Variants in ITCH observed in about 807,000 individuals in gnomAD.
The protein encoded by ITCH is itchy E3 ubiquitin protein ligase.
A neutral mutation model predicts 126.8 loss-of-function variants in ITCH; 28 were observed. The ratio of observed to expected loss-of-function variants is 0.22; its 90% CI spans 0.16 to 0.30. ITCH has a LOEUF of 0.30. Ranked by LOEUF, ITCH falls within the 10% of genes least tolerant of loss-of-function variation. The pLI, the probability that ITCH is intolerant of heterozygous loss-of-function variation, is 1.00. For synonymous variants in ITCH, 342 were observed against 340.0 expected, an observed-to-expected ratio of 1.01 and a Z score of -0.06; for missense variants, 631 against 1,032.4, an observed-to-expected ratio of 0.61 and a Z score of 5.33.
At chr20:34,500,330 T>C (rs1018573912) in intron 23 of ITCH, among the ~76,000 whole-genome samples, 1 of 152,218 alleles carries the variant, frequency 6.6e-6, no homozygotes, top group Admixed American at 6.5e-5. Flanking sequence ...TATAATAATA[T>C]TTCCTTTTTA....
intron 3 of ITCH, 88 bp from the exon 4 acceptor site, chr20:34,408,563 G>GTAAATCTGCCTAAT: frequency 8.0e-7 from 1 of 1,256,224 alleles, no homozygotes; most frequent in South Asian, 1.3e-5. Context: ...AGTAAATTTA[G>GTAAATCTGCCTAAT]TAAATCTGCC....
chr20:34,475,326 C>T (rs1367779661), intron 16 of ITCH, among the ~76,000 whole-genome samples: 1 of 152,138 alleles, frequency 6.6e-6, no homozygotes, highest in African/African-American at 2.4e-5. Context: ...GAGGTTGTAG[C>T]TAGCCGAGAT....
intron 23 of ITCH, among the ~76,000 whole-genome samples, chr20:34,499,271 G>A (rs1223061620): frequency 2.9e-4 from 12 of 40,868 alleles, no homozygotes; most frequent in African/African-American, 9.9e-4. Flanking sequence ...ACTGTGCCCA[G>A]CTTTTTTTTT....
At chr20:34,460,877 CG>C (rs1568967176) in intron 13 of ITCH, among the ~76,000 whole-genome samples, 2 of 151,780 alleles carry the variant, frequency 1.3e-5, no homozygotes, top group African/African-American at 4.8e-5. Context: ...ATAATTTAAC[CG>C]GGTGTGGTGG....
chr20:34,457,778 T>C (rs80350116), intron 13 of ITCH, among the ~76,000 whole-genome samples: 7 of 152,092 alleles, frequency 4.6e-5, no homozygotes, highest in African/African-American at 1.7e-4. Flanking sequence ...TGAGACCCTG[T>C]CTCTACAAAA....
rs1033169075 is a variant in ITCH, at chr20:34,508,211, T to C, written c.*417T>C. 18 of 205,050 alleles carry C rather than the reference T, an allele frequency of 8.8e-5. No homozygotes were observed. Among genetic ancestry groups the C allele is most frequent in the Non-Finnish European group, 1.5e-4 (15 of 98,600 alleles). The allele number at this position is 205,050 out of a possible 1,614,324, so 12.7% of individuals were successfully genotyped here. A position where few individuals can be genotyped will look rare whatever the true frequency, so the allele number is the denominator to read the frequency against. ...TATTAAGCCTCTTGGTAAGAGGCAT[T>C]TGTTAAAAGTGCAAGCTTACTCCTG... On this transcript the variant is annotated 3_prime_UTR_variant, in exon 25 of 25. Coordinates refer to ENST00000374864, the MANE Select transcript of ITCH (RefSeq NM_031483.7).
At chr20:34,473,644 CCCAT>C (rs1033851183) in intron 16 of ITCH, among the ~76,000 whole-genome samples, 1 of 152,176 alleles carries the variant, frequency 6.6e-6, no homozygotes, top group African/African-American at 2.4e-5. Context: ...AAAGAATAAA[CCCAT>C]CCAATCATTT....
Position 34,364,724 on chromosome 20 carries a change from C to CAAAAAAAAAAAAA in ITCH, c.-99+1382_-99+1394dup, listed in dbSNP as rs1171765663. ...TGAAACCCCGTCTCTACTAAAAATA[C>CAAAAAAAAAAAAA]AAAAAAAAAAAAAAAAAAATCCTGG... is the stretch of plus-strand genomic sequence containing the variant. On this transcript the variant is annotated intron_variant, in intron 1 of 24. Coordinates refer to ENST00000374864, the MANE Select transcript of ITCH (RefSeq NM_031483.7). Among the ~76,000 whole-genome samples, 163 of 45,530 alleles carry CAAAAAAAAAAAAA rather than the reference C, an allele frequency of 3.6e-3. 15 individuals are homozygous for CAAAAAAAAAAAAA. The highest frequency in any genetic ancestry group is 0.015 in the African/African-American group (126 of 8,406). 29.9% of individuals were successfully genotyped at this position (45,530 alleles called of 152,430 possible).
intron 3 of ITCH, among the ~76,000 whole-genome samples, chr20:34,407,269 T>C (rs1056661738): frequency 2.0e-5 from 3 of 152,106 alleles, no homozygotes; most frequent in East Asian, 1.9e-4. Context: ...AAATTATCAT[T>C]ATTATTATTA....
At chr20:34,408,870 A>G (rs1029461464) in intron 4 of ITCH, 78 bp downstream of exon 4, 1 of 1,464,720 alleles carries the variant, frequency 6.8e-7, no homozygotes, top group Admixed American at 1.9e-5. Context: ...AATGTTTCTC[A>G]CTTTGGTTTT....
chr20:34,393,958 A>G (rs2038577633), intron 3 of ITCH, 77 bp downstream of exon 3: 3 of 1,315,296 alleles, frequency 2.3e-6, no homozygotes, highest in African/African-American at 2.9e-5. Flanking sequence ...AGGGCCAGGC[A>G]TGGTGGCCCA....
intron 13 of ITCH, among the ~76,000 whole-genome samples, chr20:34,461,722 A>G (rs1036078632): frequency 3.3e-5 from 5 of 151,692 alleles, no homozygotes. Context: ...AAAAAAAAAA[A>G]AAAAAAAAAA....
intron 3 of ITCH, among the ~76,000 whole-genome samples, chr20:34,401,887 G>C (rs2038899122): frequency 6.6e-6 from 1 of 151,982 alleles, no homozygotes; most frequent in Non-Finnish European, 1.5e-5. Context: ...TATATATCTT[G>C]AAATAACAAA....
rs1326551793 is a variant in ITCH at position 34,456,184 on chromosome 20, GTATATATA to G, written c.1211-1182_1211-1175del. On this transcript the variant is annotated intron_variant, in intron 12 of 24. Transcript: ENST00000374864. ...TGTGTGTGTGTGTGTGTGTGTGTGT[GTATATATA>G]TATATATATATATATATATATATTT... 1.5e-3 allele frequency among the ~76,000 whole-genome samples: 71 copies of G among 47,228 alleles called. 3 individuals carry two copies. The highest frequency in any genetic ancestry group is 7.6e-3 in the African/African-American group (59 of 7,728). The allele number at this position is 47,228 out of a possible 152,430, so 31.0% of individuals were successfully genotyped here. A position where few individuals can be genotyped will look rare whatever the true frequency, so the allele number is the denominator to read the frequency against.
At chr20:34,386,584 G>GT (rs2038292325) in intron 2 of ITCH, among the ~76,000 whole-genome samples, 1 of 151,970 alleles carries the variant, frequency 6.6e-6, no homozygotes, top group Non-Finnish European at 1.5e-5. Context: ...TTTCTCCTTA[G>GT]TTTTTTTGTG....
chr20:34,447,515 CAG>C (rs1328702698), intron 11 of ITCH, among the ~76,000 whole-genome samples: 24 of 152,258 alleles, frequency 1.6e-4, no homozygotes, highest in Admixed American at 1.6e-3. Flanking sequence ...TTTTAAGTCT[CAG>C]AGTGGATATG....
intron 20 of ITCH, among the ~76,000 whole-genome samples, chr20:34,481,486 C>T (rs1988744554): frequency 6.6e-6 from 1 of 152,024 alleles, no homozygotes; most frequent in Non-Finnish European, 1.5e-5. Context: ...AATATATATG[C>T]AGATATTTTC....
At chr20:34,457,954 A>C (rs1294382082) in intron 13 of ITCH, among the ~76,000 whole-genome samples, 4 of 152,202 alleles carry the variant, frequency 2.6e-5, no homozygotes, top group Non-Finnish European at 5.9e-5. Flanking sequence ...TTTCAAAAAA[A>C]AAGAAAACAA....
In ITCH at chr20:34,373,445, T is replaced by TTTA. The variant is rs1465526461; in HGVS notation, c.-22+3977_-22+3979dup. On this transcript the variant is annotated intron_variant, in intron 2 of 24. Transcript: ENST00000374864. ...TCCCTGCCACCATGGCCAGCTAATT[T>TTTA]TTATATTTTTACTAGAGATGGGGTT... 2.0e-5 allele frequency among the ~76,000 whole-genome samples: 3 copies of TTTA among 152,020 alleles called. 1 individual carries two copies. The highest frequency in any genetic ancestry group is 4.4e-5 in the Non-Finnish European group (3 of 67,992).
Sources: allele counts gnomAD v4.1 joint callset (sites outside exome capture counted in the v4.1 genomes callset), GRCh38; gene constraint gnomAD v4.1.1; transcripts MANE v1.5; gene names NCBI Gene and HGNC (gene_info 2026-07-23, HGNC 2026-07-21).